COTL1: variants seen among roughly 807,000 people sequenced by gnomAD.
The protein encoded by COTL1 is coactosin like F-actin binding protein 1.
A neutral mutation model predicts 16.5 loss-of-function variants in COTL1; 15 were observed. The ratio of observed to expected loss-of-function variants is 0.91; its 90% CI spans 0.61 to 1.40. The LOEUF is 1.40. COTL1 is among the 40% of genes most tolerant of loss of function. The probability of loss-of-function intolerance (pLI) is 0.00; values close to 1 mark genes in which losing one functional copy is unlikely to be tolerated. For synonymous variants in COTL1, 112 were observed against 85.3 expected, an observed-to-expected ratio of 1.31 and a Z score of -1.73; for missense variants, 220 against 201.5, an observed-to-expected ratio of 1.09 and a Z score of -0.56.
At chr16:84,591,877 T>TAAAAA (rs1555523391) in intron 2 of COTL1, among the ~76,000 whole-genome samples, 4 of 96,630 alleles carry the variant, frequency 4.1e-5, no homozygotes, top group South Asian at 2.8e-4. Flanking sequence ...TAAAATAAAA[T>TAAAAA]AAAAATATGT....
chr16:84,578,461 G>A (rs1904501213), intron 3 of COTL1, among the ~76,000 whole-genome samples: 1 of 152,160 alleles, frequency 6.6e-6, no homozygotes, highest in African/African-American at 2.4e-5. Context: ...ACAATTCCAT[G>A]AGATATTATC....
chr16:84,589,032 G>A (rs563299825), intron 3 of COTL1, among the ~76,000 whole-genome samples: 2 of 152,126 alleles, frequency 1.3e-5, no homozygotes, highest in South Asian at 4.2e-4. Context: ...GTGCAGTGGT[G>A]CGATCATGGC....
intron 2 of COTL1, among the ~76,000 whole-genome samples, chr16:84,600,488 G>GT (rs766763592): frequency 1.9e-4 from 29 of 152,032 alleles, no homozygotes; most frequent in Admixed American, 5.9e-4. Flanking sequence ...AATTTTTGTA[G>GT]TTTTAGTACA....
Position 84,590,450 on chromosome 16 carries a change from C to A in COTL1, c.161-188G>T. ...CATCCGCTGCCCTTGTCACACTCCC[C>A]TGAATCCTGGCAACAGTGCTGCAGG... On this transcript the variant is annotated intron_variant, in intron 2 of 3. Transcript: ENST00000262428. This position sits in a 1 kb window ranked among gnomAD's most constrained non-coding sequence, Gnocchi z 5.5. The A allele has an allele frequency of 1.8e-6, 1 of 555,172 alleles. No individual in the cohort carries two copies. Among genetic ancestry groups the A allele is most frequent in the Non-Finnish European group, 3.1e-6 (1 of 323,224 alleles). The allele number at this position is 555,172 out of a possible 1,614,324, so 34.4% of individuals were successfully genotyped here. A position where few individuals can be genotyped will look rare whatever the true frequency, so the allele number is the denominator to read the frequency against.
chr16:84,588,721 T>C (rs1220585952), intron 3 of COTL1, among the ~76,000 whole-genome samples: 1 of 152,086 alleles, frequency 6.6e-6, no homozygotes, highest in African/African-American at 2.4e-5. Flanking sequence ...AATACTATGT[T>C]GCCCAGGCTG....
In COTL1 at chr16:84,570,176, T is replaced by C. The variant is rs566265613; in HGVS notation, c.319-3221A>G. Reference sequence around the variant, plus strand: ...CTGTAATCCCAGCTACTCAGGAGGCTAAGGCAGGAGAATGGCTTGAACCTG... The same window carrying C: ...CTGTAATCCCAGCTACTCAGGAGGCCAAGGCAGGAGAATGGCTTGAACCTG... On this transcript the variant is annotated intron_variant, in intron 3 of 3. Transcript: ENST00000262428. Among the ~76,000 whole-genome samples, 126 of 152,246 alleles carry C rather than the reference T, an allele frequency of 8.3e-4. 1 individual carries two copies. The highest frequency in any genetic ancestry group is 2.9e-3 in the African/African-American group (122 of 41,540).
At chr16:84,568,778 C>T (rs1904309469) in intron 3 of COTL1, 1 of 152,174 alleles carries the variant, frequency 6.6e-6, no homozygotes, top group East Asian at 1.9e-4. Flanking sequence ...CATCATACCT[C>T]AATCAAGTTC....
Position 84,617,971 on chromosome 16 carries a change from C to T in COTL1, c.-57G>A, listed in dbSNP as rs551536905. The T allele has an allele frequency of 4.1e-5, 54 of 1,330,706 alleles. No homozygotes were observed. In the Admixed American group the frequency reaches 5.6e-4, roughly 14 times the overall value. The allele number at this position is 1,330,706 out of a possible 1,614,324, so 82.4% of individuals were successfully genotyped here. ...GGCGGCCGAGCGCGCCCCTGGCCGG[C>T]GGCGGGGATGGGAGCGCGGCGGGTA... On this transcript the variant is annotated 5_prime_UTR_variant, in exon 1 of 4. Coordinates refer to ENST00000262428, the MANE Select transcript of COTL1 (RefSeq NM_021149.5).
chr16:84,584,524 T>C (rs530023186), intron 3 of COTL1, among the ~76,000 whole-genome samples: 2 of 152,284 alleles, frequency 1.3e-5, no homozygotes, highest in African/African-American at 4.8e-5. Context: ...TATGAGCTTT[T>C]TGAGGTCAGC....
intron 2 of COTL1, among the ~76,000 whole-genome samples, chr16:84,604,770 T>G (rs1905178632): frequency 6.6e-6 from 1 of 152,126 alleles, no homozygotes; most frequent in Admixed American, 6.5e-5. Context: ...GCTCTTTGCA[T>G]CTCAAGCCAG....
intron 2 of COTL1, among the ~76,000 whole-genome samples, chr16:84,593,913 C>A (rs1235840273): frequency 3.3e-5 from 5 of 152,218 alleles, no homozygotes; most frequent in African/African-American, 1.2e-4. Context: ...TCCTCAAGAA[C>A]AGTCACTCCC....
intron 2 of COTL1, among the ~76,000 whole-genome samples, chr16:84,601,209 T>A (rs1378446698): frequency 6.6e-6 from 1 of 152,178 alleles, no homozygotes; most frequent in African/African-American, 2.4e-5. Flanking sequence ...GTGGGTTGGT[T>A]ATTTGACAAA....
intron 3 of COTL1, among the ~76,000 whole-genome samples, chr16:84,582,022 G>C (rs1341986148): frequency 2.9e-5 from 3 of 103,994 alleles, no homozygotes; most frequent in African/African-American, 1.3e-4. Flanking sequence ...GTCTTGCTCT[G>C]TTGCCCAGGC....
chr16:84,614,569 G>A (rs1905422638), intron 2 of COTL1, among the ~76,000 whole-genome samples: 1 of 152,148 alleles, frequency 6.6e-6, no homozygotes, highest in African/African-American at 2.4e-5. Context: ...GAATGCCTGA[G>A]TGCCAGAGTG....
At chr16:84,612,522 C>G (rs1174826728) in intron 2 of COTL1, among the ~76,000 whole-genome samples, 4 of 152,162 alleles carry the variant, frequency 2.6e-5, no homozygotes, top group Non-Finnish European at 4.4e-5. Flanking sequence ...GTGGCTCACG[C>G]CTGTAATCCC....
chr16:84,593,929 T>A (rs1904935503), intron 2 of COTL1, among the ~76,000 whole-genome samples: 1 of 152,150 alleles, frequency 6.6e-6, no homozygotes, highest in Non-Finnish European at 1.5e-5. Context: ...CTCCCCATTC[T>A]CCACCCCATT....
chr16:84,575,900 G>T (rs1904443663), intron 3 of COTL1: 1 of 152,236 alleles, frequency 6.6e-6, no homozygotes. Flanking sequence ...CACACTTGAT[G>T]AGAACACCTG....
In COTL1 at chr16:84,566,793, C is replaced by T. The variant is rs1306243046; in HGVS notation, c.*52G>A. ...TAGCTGAGGCCGGCGGTCCTCTCCC[C>T]CGGGGAGCAGGCAGATGACTTTGGC... On this transcript the variant is annotated 3_prime_UTR_variant, in exon 4 of 4. Coordinates refer to ENST00000262428, the MANE Select transcript of COTL1 (RefSeq NM_021149.5). 7.6e-7 allele frequency: 1 copy of T among 1,323,728 alleles called. No homozygotes were observed. Among genetic ancestry groups the T allele is most frequent in the Non-Finnish European group, 1.1e-6 (1 of 920,056 alleles). 82.0% of individuals were successfully genotyped at this position (1,323,728 alleles called of 1,614,324 possible).
At chr16:84,580,086 G>C (rs1470390451) in intron 3 of COTL1, among the ~76,000 whole-genome samples, 2 of 152,222 alleles carry the variant, frequency 1.3e-5, no homozygotes, top group East Asian at 1.9e-4. Context: ...TACCAGGCTA[G>C]GGCAGGCTGG....
Sources: gnomAD v4.1 joint callset for allele counts (sites outside exome capture counted in the v4.1 genomes callset) on GRCh38, gnomAD v4.1.1 for gene constraint, Gnocchi (gnomAD v3.1) non-coding constraint, MANE v1.5 for transcripts, NCBI Gene and HGNC (gene_info 2026-07-23, HGNC 2026-07-21) for gene names.